TTC22: variants seen among roughly 807,000 people sequenced by gnomAD.
TTC22 encodes tetratricopeptide repeat protein 22.
In TTC22, 42 loss-of-function variants were observed where a neutral mutation model predicts 48.2. The observed-to-expected ratio is 0.87, with a 90% CI of 0.68 to 1.13. The LOEUF (loss-of-function observed/expected upper bound fraction) is 1.13. Ranked by LOEUF, TTC22 falls within the 50% of genes most tolerant of loss-of-function variation. The pLI is 0.00. For missense variants in TTC22, 784 were observed against 807.0 expected (o/e 0.97, Z 0.34); for synonymous variants, 345 against 365.5 (o/e 0.94, Z 0.64).
chr1:54,782,179 A>G (rs12143541), intron 6 of TTC22, 146 bp downstream of exon 6: 93,756 of 749,092 alleles, frequency 0.13, 6,797 homozygotes, highest in Non-Finnish European at 0.15. Context: ...CGTCTTATTC[A>G]GTCCTCACCA....
chr1:54,786,062 G>A lies in TTC22; in HGVS notation c.941C>T (p.Ala314Val). 6.2e-7 allele frequency: 1 copy of A among 1,613,972 alleles called. No homozygotes were observed. Among genetic ancestry groups the A allele is most frequent in the East Asian group, 2.2e-5 (1 of 44,874 alleles). Residue 314 changes from alanine (A) to valine (V), a missense_variant, in exon 5 of 7, where the codon GCC becomes GTC. Transcript: ENST00000371276. ...CAGGGCCATGTTGCAGGTTCCAATG[G>A]CCATATCCTGCTTTCCCAGGAAGTA... ...IFYFLGKQDM[A>V]IGTCNMALDV...
rs138795507 is a variant in TTC22, at chr1:54,782,901, G to A, written c.1021-424C>T. 1.7e-3 allele frequency among the ~76,000 whole-genome samples: 257 copies of A among 152,296 alleles called. 2 individuals are homozygous for A. The highest frequency in any genetic ancestry group is 5.9e-3 in the African/African-American group (245 of 41,556). On this transcript the variant is annotated intron_variant, in intron 5 of 6. Transcript: ENST00000371276. ...TTCTATTTCAAGTGGTAAGTGCTAT[G>A]ACAAAATAAATATGGCAATGGGATA... is the stretch of plus-strand genomic sequence containing the variant.
chr1:54,793,851 T>C (rs898138537), intron 1 of TTC22, among the ~76,000 whole-genome samples: 8 of 152,174 alleles, frequency 5.3e-5, no homozygotes, highest in African/African-American at 1.9e-4. Flanking sequence ...GGTTAGGGCA[T>C]GCACCCAGAG....
intron 5 of TTC22, 98 bp downstream of exon 5, chr1:54,785,885 C>T (rs1646296206): frequency 4.2e-6 from 5 of 1,179,424 alleles, no homozygotes; most frequent in Non-Finnish European, 6.0e-6. Flanking sequence ...ACCATGAGGA[C>T]TCCCTGACCC....
At position 54,782,427 on chromosome 1, in the gene TTC22, G is replaced by C; in HGVS notation, c.1071C>G (p.Leu357=). Residue 357 remains leucine (L), a synonymous_variant, in exon 6 of 7, where the codon CTC becomes CTG. Transcript: ENST00000371276. ...LHDLKRAKMG[L]GGMPDRNHLA... is the part of the protein sequence containing the mutation. ...GGTGGTTCCTGTCAGGCATGCCCCC[G>C]AGACCCATCTTGGCCCGCTTGAGGT... The C allele has an allele frequency of 6.4e-7, 1 of 1,551,428 alleles. No homozygotes were observed. Among genetic ancestry groups the C allele is most frequent in the African/African-American group, 1.4e-5 (1 of 73,166 alleles).
chr1:54,795,450 C>A (rs1247105709), intron 1 of TTC22, among the ~76,000 whole-genome samples: 1 of 152,220 alleles, frequency 6.6e-6, no homozygotes, highest in Non-Finnish European at 1.5e-5. Context: ...TGTGAGTCAG[C>A]TTTGCTCTGT....
chr1:54,788,107 C>CA lies in TTC22; in HGVS notation c.568-11dup, dbSNP rs1456310168. ...TCTCCTCCATCGGGATCTAGGGAAA[C>CA]AGAGAACAGCCCACACTGCCATTAC... On this transcript the variant is annotated splice_polypyrimidine_tract_variant and intron_variant, in intron 1 of 6. Coordinates refer to ENST00000371276, the MANE Select transcript of TTC22 (RefSeq NM_001114108.2). 1 of 1,613,786 alleles carries CA rather than the reference C, an allele frequency of 6.2e-7. No homozygotes were observed. Among genetic ancestry groups the CA allele is most frequent in the Non-Finnish European group, 8.5e-7 (1 of 1,179,702 alleles).
chr1:54,787,860 C>A (rs748112403), intron 2 of TTC22, 34 bp from the exon 3 acceptor site: 3 of 1,560,780 alleles, frequency 1.9e-6, no homozygotes, highest in East Asian at 2.3e-5. Context: ...TTGGGTGGCA[C>A]CCCTCCCGGC....
chr1:54,781,133 G>A lies in TTC22; in HGVS notation c.*110C>T, dbSNP rs1243456246. 1.3e-6 allele frequency: 1 copy of A among 764,716 alleles called. No individual in the cohort carries two copies. Among genetic ancestry groups the A allele is most frequent in the Non-Finnish European group, 1.8e-6 (1 of 541,188 alleles). The allele number at this position is 764,716 out of a possible 1,614,324, so 47.4% of individuals were successfully genotyped here. ...CAATTCCCGACCAAGAATCGAACTG[G>A]CTCCGCTCCCAGGTCAGCCTAAGGC... On this transcript the variant is annotated 3_prime_UTR_variant, in exon 7 of 7. Coordinates refer to ENST00000371276, the MANE Select transcript of TTC22 (RefSeq NM_001114108.2).
chr1:54,787,640 G>T, intron 3 of TTC22, 71 bp downstream of exon 3: 2 of 1,106,372 alleles, frequency 1.8e-6, no homozygotes, highest in South Asian at 1.3e-5. Context: ...AATGCCAGAG[G>T]TGGATGCAAT....
intron 4 of TTC22, chr1:54,786,564 TC>T: frequency 4.2e-6 from 1 of 238,928 alleles, no homozygotes; most frequent in South Asian, 1.2e-4. Context: ...ATTGACTGCT[TC>T]CTGTTGTAAG....
At chr1:54,784,655 T>C in intron 5 of TTC22, 1 of 1,119,626 alleles carries the variant, frequency 8.9e-7, no homozygotes, top group Non-Finnish European at 1.1e-6. Context: ...AGTGAAGGAA[T>C]TTCACTCCTG....
chr1:54,784,539 T>C (rs1366539168), intron 5 of TTC22: 2 of 1,013,410 alleles, frequency 2.0e-6, no homozygotes, highest in East Asian at 2.2e-4. Flanking sequence ...AATCAGACCA[T>C]GAACTTGAAA....
intron 5 of TTC22, chr1:54,784,956 G>A: frequency 7.2e-6 from 2 of 276,326 alleles, no homozygotes; most frequent in Non-Finnish European, 1.4e-5. Context: ...AAGAGACAGT[G>A]AGATAATTCA....
At position 54,800,731 on chromosome 1, in the gene TTC22, G is replaced by C; in HGVS notation, c.433C>G (p.Arg145Gly). ...EPEAAGDPQL[R>G]AARCLAEQGY... ...TGCTCGGCCAGGCAGCGAGCGGCGC[G>C]GAGCTGGGGGTCCCCGGCGGCCTCG... Residue 145 changes from arginine to glycine, a missense_variant, in exon 1 of 7, where the codon CGC becomes GGC. Physicochemically the swap from Arg to Gly is moderately radical, Grantham distance 125. Coordinates refer to ENST00000371276, the MANE Select transcript of TTC22 (RefSeq NM_001114108.2). The C allele has an allele frequency of 1.3e-6, 2 of 1,544,644 alleles. No homozygotes were observed. Among genetic ancestry groups the C allele is most frequent in the South Asian group, 2.4e-5 (2 of 84,500 alleles).
intron 1 of TTC22, among the ~76,000 whole-genome samples, chr1:54,796,175 C>G (rs983532888): frequency 1.3e-5 from 2 of 152,222 alleles, no homozygotes; most frequent in African/African-American, 4.8e-5. Context: ...TGTGTGTGCG[C>G]GTGTGTGTGT....
At chr1:54,786,819 A>G in intron 4 of TTC22, 138 bp downstream of exon 4, 1 of 445,478 alleles carries the variant, frequency 2.2e-6, no homozygotes, top group Admixed American at 4.2e-5. Flanking sequence ...ATGGAGAGCA[A>G]GGTCTGGAGT....
intron 1 of TTC22, 137 bp downstream of exon 1, chr1:54,800,460 A>G: frequency 1.3e-6 from 1 of 781,210 alleles, no homozygotes; most frequent in Non-Finnish European, 1.9e-6. Flanking sequence ...GGGGATGCAC[A>G]TTGGAAAGGC....
At chr1:54,787,569 G>A (rs1646313934) in intron 3 of TTC22, 142 bp downstream of exon 3, 1 of 675,858 alleles carries the variant, frequency 1.5e-6, no homozygotes. Context: ...TCCTTGAGGT[G>A]CACAGATGAG....
Sources: gnomAD v4.1 joint callset for allele counts (sites outside exome capture counted in the v4.1 genomes callset) on GRCh38, gnomAD v4.1.1 for gene constraint, MANE v1.5 for transcripts, NCBI Gene and HGNC (gene_info 2026-07-23, HGNC 2026-07-21) for gene names.